Variants in KDM4C observed in about 807,000 individuals in gnomAD.
KDM4C encodes lysine-specific demethylase 4C.
Under a neutral mutation model 129.3 loss-of-function variants are expected in KDM4C, and 81 were observed. The ratio of observed to expected loss-of-function variants is 0.63; its 90% CI spans 0.52 to 0.75. The LOEUF is 0.75. KDM4C is among the 30% of genes least tolerant of loss of function. The pLI is 0.00. For missense variants in KDM4C, 1,457 were observed against 1,304.0 expected (o/e 1.12, Z -1.81); for synonymous variants, 573 against 456.1 (o/e 1.26, Z -3.26).
chr9:7,166,915 C>T (rs566127859), intron 20 of KDM4C, among the ~76,000 whole-genome samples: 129 of 152,276 alleles, frequency 8.5e-4, no homozygotes, highest in Non-Finnish European at 1.3e-3. Flanking sequence ...TAAAATTCCT[C>T]ATTAAGCCAA....
chr9:6,961,698 G>A (rs747814292), intron 8 of KDM4C, among the ~76,000 whole-genome samples: 11 of 152,050 alleles, frequency 7.2e-5, no homozygotes, highest in Non-Finnish European at 1.6e-4. Flanking sequence ...ACAAGGTAAG[G>A]GTCTGTGGCC....
At chr9:6,810,285 C>A (rs1346728200) in intron 3 of KDM4C, among the ~76,000 whole-genome samples, 1 of 152,156 alleles carries the variant, frequency 6.6e-6, no homozygotes, top group Non-Finnish European at 1.5e-5. Flanking sequence ...GATAGCCATT[C>A]AGGTGACATT....
At chr9:6,782,384 C>T (rs1563993099) in intron 1 of KDM4C, among the ~76,000 whole-genome samples, 1 of 152,152 alleles carries the variant, frequency 6.6e-6, no homozygotes, top group Non-Finnish European at 1.5e-5. Flanking sequence ...GCTCATTTCC[C>T]ATCTTCTGCT....
At chr9:7,020,297 C>G (rs1824557671) in intron 15 of KDM4C, among the ~76,000 whole-genome samples, 2 of 152,170 alleles carry the variant, frequency 1.3e-5, no homozygotes, top group South Asian at 2.1e-4. Context: ...ACTGTCAATC[C>G]TTGGATACAG....
intron 8 of KDM4C, chr9:6,925,252 G>A: frequency 2.0e-6 from 2 of 985,328 alleles, no homozygotes; most frequent in Non-Finnish European, 1.2e-6. Flanking sequence ...GAATAATTAT[G>A]AACAGCATTG....
At chr9:7,088,527 G>C (rs10739115) in intron 17 of KDM4C, among the ~76,000 whole-genome samples, 119,821 of 152,084 alleles carry the variant, frequency 0.79, 47,683 homozygotes, top group African/African-American at 0.9. Flanking sequence ...TCCATGATTT[G>C]TAGCCAGCTT....
chr9:7,140,808 T>C (rs147509643), intron 19 of KDM4C, among the ~76,000 whole-genome samples: 20 of 152,314 alleles, frequency 1.3e-4, no homozygotes, highest in African/African-American at 4.3e-4. Flanking sequence ...ATACGCAGCA[T>C]GTATAAAAGA....
chr9:7,151,305 AT>A (rs770397535), intron 19 of KDM4C, among the ~76,000 whole-genome samples: 23 of 151,672 alleles, frequency 1.5e-4, no homozygotes, highest in Non-Finnish European at 5.9e-5. Flanking sequence ...AAAAAAAAAA[AT>A]TGGCTGTTTG....
intron 5 of KDM4C, among the ~76,000 whole-genome samples, chr9:6,850,935 A>G (rs1268173608): frequency 6.6e-6 from 1 of 151,436 alleles, no homozygotes; most frequent in Non-Finnish European, 1.5e-5. Context: ...TTGTATTTTT[A>G]GTAGAGATGG....
intron 17 of KDM4C, among the ~76,000 whole-genome samples, chr9:7,082,341 G>A (rs933386280): frequency 6.6e-6 from 1 of 152,106 alleles, no homozygotes; most frequent in Non-Finnish European, 1.5e-5. Context: ...TTAGCAAGTG[G>A]GATTCAGCGG....
chr9:6,812,370 C>T (rs1831318027), intron 3 of KDM4C, among the ~76,000 whole-genome samples: 1 of 152,200 alleles, frequency 6.6e-6, no homozygotes, highest in South Asian at 2.1e-4. Flanking sequence ...AGCATCTCTG[C>T]TATCTTCTCC....
At chr9:6,941,153 C>A (rs7031879) in intron 8 of KDM4C, among the ~76,000 whole-genome samples, 90 of 152,196 alleles carry the variant, frequency 5.9e-4, no homozygotes, top group African/African-American at 2.1e-3. Context: ...GCCTCAGCCT[C>A]CCAAGCCACC....
At chr9:6,962,081 C>A (rs1235812046) in intron 8 of KDM4C, among the ~76,000 whole-genome samples, 1 of 152,146 alleles carries the variant, frequency 6.6e-6, no homozygotes, top group Admixed American at 6.5e-5. Flanking sequence ...ACAAGAGGAG[C>A]ACCAGGGGGC....
chr9:7,006,513 C>T (rs574549703), intron 12 of KDM4C, among the ~76,000 whole-genome samples: 1 of 152,034 alleles, frequency 6.6e-6, no homozygotes, highest in East Asian at 1.9e-4. Context: ...GAATGGCAAG[C>T]AGGGAGAATA....
intron 8 of KDM4C, among the ~76,000 whole-genome samples, chr9:6,898,993 A>G (rs1302633464): frequency 2.0e-5 from 3 of 151,660 alleles, no homozygotes; most frequent in Non-Finnish European, 2.9e-5. Context: ...TGGCATTTCA[A>G]TTTTAAGTGT....
intron 12 of KDM4C, among the ~76,000 whole-genome samples, chr9:6,998,671 C>G (rs1442739698): frequency 6.6e-6 from 1 of 152,128 alleles, no homozygotes. Context: ...TGGCACACAC[C>G]TGTAATCCCA....
intron 12 of KDM4C, among the ~76,000 whole-genome samples, chr9:6,992,576 G>A (rs1308473003): frequency 6.6e-6 from 1 of 152,146 alleles, no homozygotes; most frequent in Admixed American, 6.5e-5. Flanking sequence ...GTTGCCCGAA[G>A]TAAATTATTT....
intron 15 of KDM4C, among the ~76,000 whole-genome samples, chr9:7,025,072 A>T (rs976219323): frequency 1.3e-5 from 2 of 152,130 alleles, no homozygotes; most frequent in African/African-American, 4.8e-5. Context: ...TATGATTGTT[A>T]TATTCTCTTG....
At chr9:6,958,996 A>G (rs1033348867) in intron 8 of KDM4C, among the ~76,000 whole-genome samples, 5 of 152,214 alleles carry the variant, frequency 3.3e-5, no homozygotes, top group African/African-American at 4.8e-5. Context: ...GATAGGTTCA[A>G]TAGAAGGAAA....
Sources: allele counts gnomAD v4.1 joint callset (sites outside exome capture counted in the v4.1 genomes callset), GRCh38; gene constraint gnomAD v4.1.1; transcripts MANE v1.5; gene names NCBI Gene and HGNC (gene_info 2026-07-23, HGNC 2026-07-21).